Variants in PDE3A observed in about 807,000 individuals in gnomAD.
The protein encoded by PDE3A is phosphodiesterase 3A, also known as cGMP-inhibited 3',5'-cyclic phosphodiesterase 3A.
In PDE3A, 43 loss-of-function variants were observed where a neutral mutation model predicts 98.3. The observed-to-expected ratio is 0.44, with a 90% CI of 0.34 to 0.56. The LOEUF (loss-of-function observed/expected upper bound fraction) is 0.56, where lower values mean the gene tolerates loss of function less well. Ranked by LOEUF, PDE3A falls within the 20% of genes least tolerant of loss-of-function variation. The pLI, the probability that PDE3A is intolerant of heterozygous loss-of-function variation, is 0.01. For synonymous variants in PDE3A, 663 were observed against 567.9 expected, an observed-to-expected ratio of 1.17 and a Z score of -2.38; for missense variants, 1,427 against 1,440.7, an observed-to-expected ratio of 0.99 and a Z score of 0.15.
At chr12:20,384,929 C>T (rs566055462) in intron 1 of PDE3A, among the ~76,000 whole-genome samples, 4 of 152,136 alleles carry the variant, frequency 2.6e-5, no homozygotes, top group African/African-American at 4.8e-5. Context: ...TCTAGTCTAT[C>T]GTTGATGGGC....
rs1944539880 is a variant in PDE3A, at chr12:20,637,345, A to C, written c.2139+108A>C. 5.3e-6 allele frequency: 4 copies of C among 758,924 alleles called. No homozygotes were observed. The East Asian group carries it at 1.2e-4, about 22-fold the overall frequency. 47.0% of individuals were successfully genotyped at this position (758,924 alleles called of 1,614,324 possible). ...CTTGTGGATAGGTGTTATGTGGAGA[A>C]AGGAAGTTTTAGAACACAACATTCT... On this transcript the variant is annotated intron_variant, in intron 9 of 15. Coordinates refer to ENST00000359062, the MANE Select transcript of PDE3A (RefSeq NM_000921.5).
rs759029653 is a variant in PDE3A, at chr12:20,517,421, G to T, written c.961-39239G>T. ...CTTTCCCTCTGAGTATATTTGGATT[G>T]CTTGGTTATAAAAATGTTGTGTGAT... On this transcript the variant is annotated intron_variant, in intron 1 of 15. Coordinates refer to ENST00000359062, the MANE Select transcript of PDE3A (RefSeq NM_000921.5). Among the ~76,000 whole-genome samples, 7 of 152,220 alleles carry T rather than the reference G, an allele frequency of 4.6e-5. No homozygotes were observed. In the South Asian group the frequency reaches 8.3e-4, roughly 18 times the overall value.
intron 1 of PDE3A, among the ~76,000 whole-genome samples, chr12:20,542,206 A>C (rs1039683376): frequency 1.3e-5 from 2 of 152,064 alleles, no homozygotes; most frequent in Admixed American, 1.3e-4. Context: ...AATTTTGTAA[A>C]AGACTTTTTG....
chr12:20,605,543 G>T (rs376156674), intron 2 of PDE3A, among the ~76,000 whole-genome samples: 8 of 152,078 alleles, frequency 5.3e-5, no homozygotes, highest in African/African-American at 1.4e-4. Flanking sequence ...TAAATGTAGA[G>T]AAATGAATTA....
At chr12:20,666,864 T>C (rs905804772) in intron 15 of PDE3A, among the ~76,000 whole-genome samples, 29 of 152,224 alleles carry the variant, frequency 1.9e-4, no homozygotes, top group African/African-American at 4.1e-4. Flanking sequence ...CTGTTTTCCA[T>C]AGTGGCTATA....
rs1298733928 is a variant in PDE3A, at chr12:20,556,704, A to C, written c.1005A>C (p.Gly335=). 6.2e-7 allele frequency: 1 copy of C among 1,608,276 alleles called. No homozygotes were observed. Among genetic ancestry groups the C allele is most frequent in the Admixed American group, 1.7e-5 (1 of 60,016 alleles). ...SEWDHKRGPR[G]SQSSGTSITV... is the part of the protein sequence containing the mutation. ...GGGACCACAAACGAGGGCCAAGAGG[A>C]TCACAGGTAAGTTTCTTTTCCTTTT... Residue 335 remains glycine (G), a synonymous_variant, in exon 2 of 16, where the codon GGA becomes GGC. Coordinates refer to ENST00000359062, the MANE Select transcript of PDE3A (RefSeq NM_000921.5).
At chr12:20,635,230 C>T (rs896711567) in intron 8 of PDE3A, among the ~76,000 whole-genome samples, 174 bp downstream of exon 8, 2 of 152,086 alleles carry the variant, frequency 1.3e-5, no homozygotes, top group Non-Finnish European at 2.9e-5. Context: ...ACCAGCCTGA[C>T]CAATATGGTG....
intron 1 of PDE3A, among the ~76,000 whole-genome samples, chr12:20,493,100 G>C (rs1282918303): frequency 6.6e-6 from 1 of 152,158 alleles, no homozygotes; most frequent in Non-Finnish European, 1.5e-5. Flanking sequence ...AGTACCACCT[G>C]TATAGAAATT....
At chr12:20,411,968 T>G (rs2120712810) in intron 1 of PDE3A, among the ~76,000 whole-genome samples, 1 of 152,224 alleles carries the variant, frequency 6.6e-6, no homozygotes, top group South Asian at 2.1e-4. Context: ...TATCTGTGTC[T>G]TCTTCTTTTT....
At chr12:20,405,405 A>T (rs568234563) in intron 1 of PDE3A, among the ~76,000 whole-genome samples, 38 of 151,996 alleles carry the variant, frequency 2.5e-4, no homozygotes, top group Non-Finnish European at 5.0e-4. Flanking sequence ...AATCCTGTTC[A>T]TCTTTCATTC....
intron 2 of PDE3A, among the ~76,000 whole-genome samples, chr12:20,601,478 G>C (rs1031948981): frequency 1.3e-5 from 2 of 152,142 alleles, no homozygotes; most frequent in African/African-American, 2.4e-5. Flanking sequence ...TGGCAGTAAA[G>C]TTCCACAAAA....
At chr12:20,603,029 G>A (rs7314654) in intron 2 of PDE3A, among the ~76,000 whole-genome samples, 115,368 of 152,074 alleles carry the variant, frequency 0.76, 44,648 homozygotes, top group Non-Finnish European at 0.83. Flanking sequence ...CTAGTATCAC[G>A]GACAGCCTCC....
chr12:20,387,103 G>T (rs1384909107), intron 1 of PDE3A, among the ~76,000 whole-genome samples: 2 of 151,972 alleles, frequency 1.3e-5, no homozygotes, highest in African/African-American at 4.8e-5. Context: ...TCATATTTCT[G>T]AGTTCTGTAT....
In PDE3A at chr12:20,368,633, A is replaced by C; in HGVS notation, c.-652A>C. On this transcript the variant is annotated 5_prime_UTR_variant, in exon 1 of 16. Transcript: ENST00000359062. ...TTTTTTTTTCCATCCTTTGCCATGA[A>C]TTGGATTGACAGAGGCGGGGGAGGC... Among the ~76,000 whole-genome samples, 1 of 151,216 alleles carries C rather than the reference A, an allele frequency of 6.6e-6. No homozygotes were observed. The highest frequency in any genetic ancestry group is 2.1e-4 in the South Asian group (1 of 4,780).
chr12:20,517,307 C>G (rs1412072110), intron 1 of PDE3A, among the ~76,000 whole-genome samples: 3 of 152,130 alleles, frequency 2.0e-5, no homozygotes, highest in African/African-American at 7.2e-5. Flanking sequence ...CAAGACATAG[C>G]CCTGGTTCTT....
chr12:20,399,278 T>C (rs1944078222), intron 1 of PDE3A, among the ~76,000 whole-genome samples: 1 of 152,196 alleles, frequency 6.6e-6, no homozygotes, highest in Admixed American at 6.5e-5. Context: ...TTGCTATGAA[T>C]ATGTGTGTAT....
intron 1 of PDE3A, among the ~76,000 whole-genome samples, chr12:20,494,629 T>A (rs1945886113): frequency 6.6e-6 from 1 of 152,148 alleles, no homozygotes; most frequent in Non-Finnish European, 1.5e-5. Flanking sequence ...GACTTTCCTT[T>A]CCTATGGAAT....
intron 13 of PDE3A, among the ~76,000 whole-genome samples, chr12:20,649,220 C>T (rs931453144): frequency 2.0e-5 from 3 of 151,948 alleles, no homozygotes; most frequent in East Asian, 1.9e-4. Flanking sequence ...TGTGAGGCAC[C>T]GTGCCCGGCT....
intron 1 of PDE3A, among the ~76,000 whole-genome samples, chr12:20,421,015 C>T (rs1944503286): frequency 1.3e-5 from 2 of 151,982 alleles, no homozygotes; most frequent in East Asian, 3.9e-4. Flanking sequence ...TTTTTCTGAT[C>T]ATTAGAGGTA....
Sources: allele counts gnomAD v4.1 joint callset (sites outside exome capture counted in the v4.1 genomes callset), GRCh38; gene constraint gnomAD v4.1.1; transcripts MANE v1.5; gene names NCBI Gene and HGNC (gene_info 2026-07-23, HGNC 2026-07-21).